CCDC18: variants seen among roughly 807,000 people sequenced by gnomAD.
CCDC18 encodes coiled-coil domain containing 18.
A neutral mutation model predicts 196.0 loss-of-function variants in CCDC18; 157 were observed. The observed-to-expected ratio is 0.80, with a 90% CI of 0.70 to 0.91. CCDC18 has a LOEUF of 0.91. Among genes scored for constraint, CCDC18 ranks in the 40% least tolerant of loss-of-function variants. The pLI is 0.00. For missense variants in CCDC18, 1,465 were observed against 1,611.6 expected (o/e 0.91, Z 1.56); for synonymous variants, 482 against 529.2 (o/e 0.91, Z 1.22).
Position 93,270,558 on chromosome 1 carries a change from G to A in CCDC18, c.4097G>A (p.Gly1366Asp). 1 of 1,550,356 alleles carries A rather than the reference G, an allele frequency of 6.5e-7. No individual in the cohort carries two copies. Among genetic ancestry groups the A allele is most frequent in the Non-Finnish European group, 8.7e-7 (1 of 1,146,882 alleles). Residue 1366 changes from glycine (G) to aspartate (D), a missense_variant, in exon 28 of 29, where the codon GGT becomes GAT. Physicochemically the swap from Gly to Asp is moderately conservative, Grantham distance 94. Coordinates refer to ENST00000690025, the MANE Select transcript of CCDC18 (RefSeq NM_001378204.1). The stretch of plus-strand genomic sequence containing the variant: ...AGTGATCTTACTTTCAAAATTCATG[G>A]TGATGAAGATCTTTCTGAAGAATTA... ...SASDLTFKIH[G>D]DEDLSEELLQ...
chr1:93,205,635 C>A lies in CCDC18; in HGVS notation c.917+4C>A. 6.3e-7 allele frequency: 1 copy of A among 1,586,424 alleles called. No homozygotes were observed. Among genetic ancestry groups the A allele is most frequent in the East Asian group, 2.3e-5 (1 of 44,306 alleles). ...AAATTCTGAAAGAGAAATTAAGGTA[C>A]AGTATTCTGTTGTAGAAAAAGGATT... On this transcript the variant is annotated splice_donor_region_variant and intron_variant, in intron 8 of 28. Coordinates refer to ENST00000690025, the MANE Select transcript of CCDC18 (RefSeq NM_001378204.1).
In CCDC18 at chr1:93,278,673, T is replaced by A. The variant is rs971253926; in HGVS notation, c.*196T>A. 1 of 329,840 alleles carries A rather than the reference T, an allele frequency of 3.0e-6. No individual in the cohort carries two copies. Among genetic ancestry groups the A allele is most frequent in the South Asian group, 1.5e-4 (1 of 6,566 alleles). 20.4% of individuals were successfully genotyped at this position (329,840 alleles called of 1,614,324 possible). ...AATTTATTATTTTATTTATTGTTTT[T>A]TGGCTTAAACTTGCTGCTTTCTTTT... On this transcript the variant is annotated 3_prime_UTR_variant, in exon 29 of 29. Coordinates refer to ENST00000690025, the MANE Select transcript of CCDC18 (RefSeq NM_001378204.1).
chr1:93,257,375 T>A (rs1663154458), intron 25 of CCDC18, among the ~76,000 whole-genome samples: 1 of 151,050 alleles, frequency 6.6e-6, no homozygotes, highest in African/African-American at 2.4e-5. Flanking sequence ...AAAGCAAAAA[T>A]ACTAATATAA....
At chr1:93,180,004 G>A (rs377329443), upstream of CCDC18, 3 of 1,555,054 alleles carry the variant, frequency 1.9e-6, no homozygotes, top group South Asian at 2.3e-5. Flanking sequence ...AGGCGACAAC[G>A]CAGTGCAGCT....
In CCDC18 at chr1:93,256,464, C is replaced by G; in HGVS notation, c.3472C>G (p.Gln1158Glu). 2 of 1,614,018 alleles carry G rather than the reference C, an allele frequency of 1.2e-6. No individual in the cohort carries two copies. The highest frequency in any genetic ancestry group is 1.7e-6 in the Non-Finnish European group (2 of 1,179,964). ...AGAATTGGCAGAGGCTCGTCATCAG[C>G]AAGTCCAAGCACAGAGAGAAATAGA... ...HTELAEARHQ[Q>E]VQAQREIERL... is the part of the protein sequence containing the mutation. Residue 1158 changes from glutamine to glutamate, a missense_variant, in exon 25 of 29, where the codon CAA (glutamine) becomes GAA (glutamate). Gln to Glu is a conservative substitution (Grantham distance 29, BLOSUM62 2). Transcript: ENST00000690025.
intron 9 of CCDC18, 132 bp downstream of exon 9, chr1:93,207,530 C>A: frequency 1.6e-6 from 1 of 639,692 alleles, no homozygotes; most frequent in Non-Finnish European, 2.5e-6. Context: ...AATTTCTCTT[C>A]TGTCTAAATC....
At chr1:93,180,551 G>A (rs370377947), upstream of CCDC18, 10 of 1,476,472 alleles carry the variant, frequency 6.8e-6, no homozygotes, top group Non-Finnish European at 8.2e-6. Context: ...CCACCAATGG[G>A]CATCATGGCG....
At chr1:93,180,664 C>T (rs757786206), upstream of CCDC18, 19 of 1,328,990 alleles carry the variant, frequency 1.4e-5, no homozygotes, top group South Asian at 1.3e-4. Context: ...CGGCGCCTCA[C>T]GCAGTCTGCG....
At chr1:93,251,424 C>A (rs981047474) in intron 23 of CCDC18, among the ~76,000 whole-genome samples, 2 of 151,888 alleles carry the variant, frequency 1.3e-5, no homozygotes, top group Non-Finnish European at 1.5e-5. Flanking sequence ...GGCGGTTTTT[C>A]TTTTAAGTTT....
chr1:93,207,262 T>TTCA lies in CCDC18; in HGVS notation c.1074_1075insCAT (p.Phe358_Ser359insHis). 6.2e-7 allele frequency: 1 copy of TTCA among 1,613,644 alleles called. No individual in the cohort carries two copies. Among genetic ancestry groups the TTCA allele is most frequent in the Non-Finnish European group, 8.5e-7 (1 of 1,179,740 alleles). On this transcript the variant is annotated inframe_insertion, in exon 9 of 29. Coordinates refer to ENST00000690025, the MANE Select transcript of CCDC18 (RefSeq NM_001378204.1). ...AAAGACGAAATACTTAGAGACAAATTTTCTTTAATGAATGAAAACCGAGAA... is the reference window on the plus strand; with the variant it reads ...AAAGACGAAATACTTAGAGACAAATTTCATTCTTTAATGAATGAAAACCGAGAA...
At chr1:93,193,487 A>G (rs890335245) in intron 5 of CCDC18, 129 bp from the exon 6 acceptor site, 5 of 555,456 alleles carry the variant, frequency 9.0e-6, no homozygotes, top group East Asian at 7.2e-5. Context: ...CTTTTTCTCT[A>G]TCTCTTTTTG....
rs576519541 is a variant in CCDC18, at chr1:93,184,990, C to T, written c.303+844C>T. Among the ~76,000 whole-genome samples, 14 of 151,246 alleles carry T rather than the reference C, an allele frequency of 9.3e-5. 1 individual carries two copies. In the South Asian group the frequency reaches 1.5e-3, roughly 16 times the overall value. On this transcript the variant is annotated intron_variant, in intron 3 of 28. Coordinates refer to ENST00000690025, the MANE Select transcript of CCDC18 (RefSeq NM_001378204.1). ...ATTGGGAAAACAATAATGATAATGC[C>T]GATCAAAGACAAAAGGCTAATCTAG...
chr1:93,187,342 T>C (rs1650880942), intron 4 of CCDC18, among the ~76,000 whole-genome samples: 1 of 152,046 alleles, frequency 6.6e-6, no homozygotes, highest in Non-Finnish European at 1.5e-5. Context: ...TCAAAAACAA[T>C]TACCTAATAT....
chr1:93,234,451 C>T (rs943838163), intron 18 of CCDC18, among the ~76,000 whole-genome samples: 4 of 152,078 alleles, frequency 2.6e-5, no homozygotes, highest in East Asian at 1.9e-4. Flanking sequence ...TGAGCCACTG[C>T]GCCTGGCCTC....
chr1:93,265,054 A>C (rs764431351), intron 27 of CCDC18, 153 bp downstream of exon 27: 85 of 584,866 alleles, frequency 1.5e-4, no homozygotes, highest in Non-Finnish European at 2.3e-4. Flanking sequence ...GAATTTAGGA[A>C]ATTATTAAGA....
At chr1:93,211,171 G>A (rs938571293) in intron 10 of CCDC18, among the ~76,000 whole-genome samples, 3 of 151,874 alleles carry the variant, frequency 2.0e-5, no homozygotes, top group Non-Finnish European at 4.4e-5. Flanking sequence ...CCCACTACTT[G>A]GGAGGCTGAG....
intron 23 of CCDC18, among the ~76,000 whole-genome samples, chr1:93,251,318 A>C (rs1662224294): frequency 6.6e-6 from 1 of 152,148 alleles, no homozygotes; most frequent in Admixed American, 6.6e-5. Flanking sequence ...AAATTGTTGT[A>C]ATTATTATTT....
chr1:93,273,223 C>T, intron 28 of CCDC18, among the ~76,000 whole-genome samples: 1 of 152,088 alleles, frequency 6.6e-6, no homozygotes, highest in East Asian at 1.9e-4. Context: ...CGCCCGCCAC[C>T]ACGCCCGGCT....
At chr1:93,226,524 AATAT>A (rs35929850) in intron 17 of CCDC18, 75 bp downstream of exon 17, 6,913 of 373,866 alleles carry the variant, frequency 0.018, no homozygotes, top group East Asian at 0.025. Context: ...TGTAGGACAA[AATAT>A]ATATATATAT....
Sources: allele counts gnomAD v4.1 joint callset (sites outside exome capture counted in the v4.1 genomes callset), GRCh38; gene constraint gnomAD v4.1.1; transcripts MANE v1.5; gene names NCBI Gene and HGNC (gene_info 2026-07-23, HGNC 2026-07-21).